Variants in PLEKHA8 observed in about 807,000 individuals in gnomAD.
PLEKHA8 encodes the protein pleckstrin homology domain containing A8.
In PLEKHA8, 36 loss-of-function variants were observed where a neutral mutation model predicts 68.2. The ratio of observed to expected loss-of-function variants is 0.53; its 90% CI spans 0.40 to 0.70. The LOEUF (loss-of-function observed/expected upper bound fraction) is 0.70. PLEKHA8 is among the 30% of genes least tolerant of loss of function. PLEKHA8 has a pLI of 0.00. For synonymous variants in PLEKHA8, 211 were observed against 216.1 expected (o/e 0.98, Z 0.20); for missense variants, 505 against 615.4 (o/e 0.82, Z 1.90).
rs1583473345 is a variant in PLEKHA8, at chr7:30,105,148, A to T, written c.1363-24118A>T. Among the ~76,000 whole-genome samples the T allele has an allele frequency of 2.0e-5, 3 of 152,138 alleles. 1 individual carries two copies. In the South Asian group the frequency reaches 6.2e-4, roughly 32 times the overall value. On this transcript the variant is annotated intron_variant, in intron 13 of 13. Transcript: ENST00000396257. ...ACTTATAATCTGCTCATTTCCCAGT[A>T]TGTAAATTATTTTAAAAGTTAAGAA...
At position 30,078,846 on chromosome 7, in the gene PLEKHA8, C is replaced by G; in HGVS notation, c.*59C>G. Reference sequence around the variant, plus strand: ...ATAAGTGCTAAAGTGTTTTGTTGCCCTACTTAATTTCCAGCAACAGCCTCA... The same window carrying G: ...ATAAGTGCTAAAGTGTTTTGTTGCCGTACTTAATTTCCAGCAACAGCCTCA... On this transcript the variant is annotated 3_prime_UTR_variant, in exon 14 of 14. Transcript: ENST00000449726. 6.4e-7 allele frequency: 1 copy of G among 1,559,568 alleles called. No individual in the cohort carries two copies. The highest frequency in any genetic ancestry group is 8.7e-7 in the Non-Finnish European group (1 of 1,151,906).
At chr7:30,075,351 T>G (rs1794545168) in intron 13 of PLEKHA8, among the ~76,000 whole-genome samples, 1 of 152,226 alleles carries the variant, frequency 6.6e-6, no homozygotes, top group South Asian at 2.1e-4. Context: ...TGAATAATCA[T>G]AATGGCTACC....
At chr7:30,101,137 C>CCGAG (rs1485115688) in intron 13 of PLEKHA8, among the ~76,000 whole-genome samples, 1 of 150,210 alleles carries the variant, frequency 6.7e-6, no homozygotes, top group African/African-American at 2.5e-5. Flanking sequence ...TTGCAGTGAG[C>CCGAG]CGAGATTGCA....
At chr7:30,129,539 A>G (rs1796838136), downstream of PLEKHA8, 1 of 555,994 alleles carries the variant, frequency 1.8e-6, no homozygotes, top group Admixed American at 3.1e-5. Flanking sequence ...AATTTTCAAC[A>G]TGTACACCTG....
At chr7:30,130,288 A>G (rs1238995728), downstream of PLEKHA8, 1 of 152,242 alleles carries the variant, frequency 6.6e-6, no homozygotes, top group African/African-American at 2.4e-5. Flanking sequence ...AGTCTGTGTT[A>G]GTCCCTTAGC....
At chr7:30,050,152 G>T (rs1792292203) in intron 5 of PLEKHA8, among the ~76,000 whole-genome samples, 1 of 152,132 alleles carries the variant, frequency 6.6e-6, no homozygotes, top group East Asian at 1.9e-4. Context: ...AAATTACAAA[G>T]AAATCTAATC....
intron 12 of PLEKHA8, among the ~76,000 whole-genome samples, chr7:30,089,699 A>C (rs932717294): frequency 2.0e-5 from 3 of 152,182 alleles, no homozygotes; most frequent in Non-Finnish European, 2.9e-5. Flanking sequence ...AGGTGAAACC[A>C]ATATGGAAAA....
At chr7:30,048,723 G>A (rs1017862346) in intron 4 of PLEKHA8, among the ~76,000 whole-genome samples, 2 of 152,084 alleles carry the variant, frequency 1.3e-5, no homozygotes, top group African/African-American at 2.4e-5. Flanking sequence ...TATGCTACTG[G>A]TAGTACATGT....
chr7:30,082,464 C>T lies in PLEKHA8; in HGVS notation c.*3677C>T. The T allele has an allele frequency of 2.0e-6, 2 of 985,306 alleles. No individual in the cohort carries two copies. Among genetic ancestry groups the T allele is most frequent in the Non-Finnish European group, 2.4e-6 (2 of 829,950 alleles). The allele number at this position is 985,306 out of a possible 1,614,324, so 61.0% of individuals were successfully genotyped here. ...CCCACCCCCCAGACTGCAAGAGCTT[C>T]TTAAGAAGGAGCCCATATTCCCATT... On this transcript the variant is annotated 3_prime_UTR_variant, in exon 14 of 14. Transcript: ENST00000449726.
chr7:30,070,237 G>C (rs1198886758), intron 12 of PLEKHA8, among the ~76,000 whole-genome samples: 1 of 151,960 alleles, frequency 6.6e-6, no homozygotes, highest in Non-Finnish European at 1.5e-5. Flanking sequence ...CTCCCATTAG[G>C]TCATCTGGCC....
At chr7:30,074,044 C>G in intron 12 of PLEKHA8, 27 bp from the exon 13 acceptor site, 8 of 1,580,562 alleles carry the variant, frequency 5.1e-6, no homozygotes, top group Non-Finnish European at 6.9e-6. Context: ...TGAAAGTGTT[C>G]CTCATGGAGT....
chr7:30,049,574 C>A, intron 5 of PLEKHA8, 192 bp downstream of exon 5: 1 of 648,064 alleles, frequency 1.5e-6, no homozygotes, highest in Non-Finnish European at 2.5e-6. Flanking sequence ...ATTTTACCAC[C>A]TAAACATGTT....
At chr7:30,102,497 A>T (rs1003307084) in intron 13 of PLEKHA8, among the ~76,000 whole-genome samples, 1 of 152,252 alleles carries the variant, frequency 6.6e-6, no homozygotes, top group African/African-American at 2.4e-5. Context: ...CATTATTCAC[A>T]GTAGCCAGAA....
chr7:30,043,336 C>T (rs147014724), intron 1 of PLEKHA8, among the ~76,000 whole-genome samples: 12 of 152,180 alleles, frequency 7.9e-5, no homozygotes, highest in African/African-American at 2.9e-4. Context: ...AAGTTCATCC[C>T]AAGAAGTTTG....
intron 13 of PLEKHA8, among the ~76,000 whole-genome samples, chr7:30,121,857 A>G (rs1288882286): frequency 6.6e-6 from 1 of 152,204 alleles, no homozygotes; most frequent in Non-Finnish European, 1.5e-5. Flanking sequence ...TGTCCTGCAC[A>G]TACCAGGGAG....
chr7:30,068,912 G>A (rs1245372840), intron 12 of PLEKHA8, among the ~76,000 whole-genome samples: 11 of 152,016 alleles, frequency 7.2e-5, no homozygotes. Context: ...TGTAAGGTGG[G>A]GATATAATTT....
At chr7:30,096,216 G>A (rs964077769) in intron 13 of PLEKHA8, among the ~76,000 whole-genome samples, 1 of 152,014 alleles carries the variant, frequency 6.6e-6, no homozygotes, top group Non-Finnish European at 1.5e-5. Context: ...AGTGGTTTGT[G>A]GTTCTCCTTG....
In PLEKHA8 at chr7:30,028,558, G is replaced by C. The variant is rs1461675107; in HGVS notation, c.-205G>C. The C allele has an allele frequency of 5.2e-6, 2 of 381,510 alleles. No homozygotes were observed. The highest frequency in any genetic ancestry group is 9.2e-6 in the Non-Finnish European group (2 of 216,818). The allele number at this position is 381,510 out of a possible 1,614,324, so 23.6% of individuals were successfully genotyped here. A position where few individuals can be genotyped will look rare whatever the true frequency, so the allele number is the denominator to read the frequency against. Reference sequence around the variant, plus strand: ...GCCCCACGGGTTCACCGGCTGGCTGGGCTTCAAGCGCCGAGGCCGCCGCAG... The same window carrying C: ...GCCCCACGGGTTCACCGGCTGGCTGCGCTTCAAGCGCCGAGGCCGCCGCAG... On this transcript the variant is annotated 5_prime_UTR_variant, in exon 1 of 14. Coordinates refer to ENST00000449726, the MANE Select transcript of PLEKHA8 (RefSeq NM_001197026.2).
At chr7:30,028,969 C>G (rs1790435858) in intron 1 of PLEKHA8, among the ~76,000 whole-genome samples, 167 bp downstream of exon 1, 1 of 152,210 alleles carries the variant, frequency 6.6e-6, no homozygotes, top group African/African-American at 2.4e-5. Context: ...ACCGTGTCGC[C>G]GTGCAGGACG....
Sources: allele counts gnomAD v4.1 joint callset (sites outside exome capture counted in the v4.1 genomes callset), GRCh38; gene constraint gnomAD v4.1.1; transcripts MANE v1.5; gene names NCBI Gene and HGNC (gene_info 2026-07-23, HGNC 2026-07-21).